The following IPO7 variants were observed in gnomAD, a reference collection of about 807,000 sequenced individuals.
IPO7 encodes the protein importin 7.
In IPO7, 13 loss-of-function variants were observed where a neutral mutation model predicts 136.4. The observed-to-expected ratio is 0.10, with a 90% CI of 0.06 to 0.15. IPO7 has a LOEUF of 0.15. Among genes scored for constraint, IPO7 ranks in the 10% least tolerant of loss-of-function variants. IPO7 has a pLI of 1.00. For synonymous variants in IPO7, 403 were observed against 404.4 expected (o/e 1.00, Z 0.04); for missense variants, 857 against 1,240.6 (o/e 0.69, Z 4.65).
At chr11:9,395,328 C>A (rs1007438386) in intron 1 of IPO7, among the ~76,000 whole-genome samples, 3 of 152,064 alleles carry the variant, frequency 2.0e-5, no homozygotes, top group African/African-American at 4.8e-5. Flanking sequence ...ACTGCAGCCT[C>A]CACCTCCCAG....
chr11:9,422,171 C>T (rs12362894), intron 8 of IPO7, among the ~76,000 whole-genome samples: 15,782 of 151,250 alleles, frequency 0.1, 1,120 homozygotes, highest in Non-Finnish European at 0.15. Context: ...CCCAGCTACT[C>T]GGGAGGCTGA....
intron 8 of IPO7, among the ~76,000 whole-genome samples, chr11:9,421,760 C>T (rs1322481700): frequency 3.3e-5 from 5 of 150,636 alleles, no homozygotes; most frequent in Admixed American, 1.3e-4. Flanking sequence ...CTGGCTAACA[C>T]AGTGAAACCC....
intron 6 of IPO7, among the ~76,000 whole-genome samples, chr11:9,418,764 T>C (rs1008972508): frequency 5.9e-5 from 9 of 152,222 alleles, no homozygotes; most frequent in African/African-American, 1.9e-4. Context: ...AATTATTATG[T>C]ACCCATGTAG....
chr11:9,430,751 C>T (rs979689300), intron 15 of IPO7, 124 bp from the exon 16 acceptor site: 4 of 728,546 alleles, frequency 5.5e-6, no homozygotes, highest in African/African-American at 5.3e-5. Context: ...TATCATTAAT[C>T]AATTTGGAGA....
At position 9,447,553 on chromosome 11, in the gene IPO7, G is replaced by A. The variant is rs1420931281; in HGVS notation, c.*2359G>A. ...AGGATTTTTGGAAAACTTTTTGAAT[G>A]TATTTACAATATTCTCTTGTAATTA... On this transcript the variant is annotated 3_prime_UTR_variant, in exon 25 of 25. Coordinates refer to ENST00000379719, the MANE Select transcript of IPO7 (RefSeq NM_006391.3). 6.6e-6 allele frequency: 1 copy of A among 152,060 alleles called. No homozygotes were observed. Among genetic ancestry groups the A allele is most frequent in the Non-Finnish European group, 1.5e-5 (1 of 68,004 alleles). 9.4% of individuals were successfully genotyped at this position (152,060 alleles called of 1,614,324 possible).
At chr11:9,386,379 G>C (rs1422049949) in intron 1 of IPO7, among the ~76,000 whole-genome samples, 1 of 152,124 alleles carries the variant, frequency 6.6e-6, no homozygotes, top group East Asian at 1.9e-4. Context: ...TATGGAAGGA[G>C]CAATGGATCA....
At chr11:9,435,907 C>CTT (rs1292597578) in intron 19 of IPO7, among the ~76,000 whole-genome samples, 2 of 152,094 alleles carry the variant, frequency 1.3e-5, no homozygotes, top group Non-Finnish European at 2.9e-5. Flanking sequence ...AACATCTTAG[C>CTT]TTTTTGTAGT....
At chr11:9,395,158 A>G (rs571012274) in intron 1 of IPO7, among the ~76,000 whole-genome samples, 4 of 152,352 alleles carry the variant, frequency 2.6e-5, no homozygotes, top group African/African-American at 9.6e-5. Context: ...GTTGACAATA[A>G]TACCATAATT....
intron 1 of IPO7, among the ~76,000 whole-genome samples, chr11:9,400,454 C>T (rs1039966589): frequency 2.0e-5 from 3 of 151,872 alleles, no homozygotes; most frequent in East Asian, 1.9e-4. Context: ...GACCTAATCT[C>T]GCTGTCGCCC....
chr11:9,433,004 T>TTTTTTTTTTTTTTTTTTTTTTTTTTG (rs1283722932), intron 16 of IPO7: 1 of 150,740 alleles, frequency 6.6e-6, no homozygotes, highest in African/African-American at 2.4e-5. Context: ...TTTTTTTTTT[T>TTTTTTTTTTTTTTTTTTTTTTTTTTG]TGAGATGGAG....
intron 19 of IPO7, 94 bp from the exon 20 acceptor site, chr11:9,436,175 CAG>C (rs35718097): frequency 0.39 from 290,466 of 752,440 alleles, 59,341 homozygotes; most frequent in Middle Eastern, 0.5. Flanking sequence ...AAGTAATACT[CAG>C]AGCCTGTACA....
At chr11:9,435,137 G>A (rs1855352246) in intron 19 of IPO7, 106 bp downstream of exon 19, 1 of 711,100 alleles carries the variant, frequency 1.4e-6, no homozygotes. Context: ...ATGTAAACAT[G>A]GATCTGACAG....
In IPO7 at chr11:9,384,758, G is replaced by C. The variant is rs760056986; in HGVS notation, c.-6G>C. 9 of 1,597,244 alleles carry C rather than the reference G, an allele frequency of 5.6e-6. No homozygotes were observed. The highest frequency in any genetic ancestry group is 7.7e-6 in the Non-Finnish European group (9 of 1,171,934). On this transcript the variant is annotated 5_prime_UTR_variant, in exon 1 of 25. Coordinates refer to ENST00000379719, the MANE Select transcript of IPO7 (RefSeq NM_006391.3). ...GAGCCCCGGGTTTGACCGAGTCCGC[G>C]CTGCGATGGACCCCAACACCATTAT... is the stretch of plus-strand genomic sequence containing the variant.
At chr11:9,442,978 G>T (rs902071792) in intron 24 of IPO7, among the ~76,000 whole-genome samples, 1 of 151,782 alleles carries the variant, frequency 6.6e-6, no homozygotes, top group East Asian at 2.0e-4. Flanking sequence ...AGTTGAGATT[G>T]CACTACTGTT....
At position 9,422,945 on chromosome 11, in the gene IPO7, C is replaced by T. The variant is rs564816141; in HGVS notation, c.907-61C>T. 2.1e-4 allele frequency: 222 copies of T among 1,074,824 alleles called. No homozygotes were observed. The African/African-American group carries it at 3.0e-3, about 15-fold the overall frequency. 66.6% of individuals were successfully genotyped at this position (1,074,824 alleles called of 1,614,324 possible). A position where few individuals can be genotyped will look rare whatever the true frequency, so the allele number is the denominator to read the frequency against. On this transcript the variant is annotated intron_variant, in intron 8 of 24. Coordinates refer to ENST00000379719, the MANE Select transcript of IPO7 (RefSeq NM_006391.3). The stretch of plus-strand genomic sequence containing the variant: ...AATATGTGTTAACTGTTTTTACTGG[C>T]TTGTAAGTGGTTGAAATTTCTATTT...
intron 1 of IPO7, among the ~76,000 whole-genome samples, chr11:9,395,635 G>A (rs1197882273): frequency 6.8e-6 from 1 of 147,796 alleles, no homozygotes; most frequent in Non-Finnish European, 1.5e-5. Context: ...GGATGTCCCT[G>A]GTTGAGATTG....
Position 9,405,424 on chromosome 11 carries a change from C to T in IPO7, c.166+2053C>T, listed in dbSNP as rs140290874. 6.6e-3 allele frequency among the ~76,000 whole-genome samples: 1,000 copies of T among 152,302 alleles called. 13 individuals are homozygous for T. The highest frequency in any genetic ancestry group is 0.023 in the African/African-American group (945 of 41,566). ...CTCCTGACCTCGTGATCTGCCCTGC[C>T]TCTGCCTCCCAAAGTGCTGGGATTA... is the stretch of plus-strand genomic sequence containing the variant. On this transcript the variant is annotated intron_variant, in intron 2 of 24. Transcript: ENST00000379719.
intron 1 of IPO7, among the ~76,000 whole-genome samples, chr11:9,388,620 G>T (rs11042325): frequency 6.6e-6 from 1 of 151,760 alleles, no homozygotes; most frequent in Non-Finnish European, 1.5e-5. Flanking sequence ...CTGAGACTAC[G>T]GGGATGTGCC....
At chr11:9,409,157 GGAGT>G (rs1854933451) in intron 3 of IPO7, among the ~76,000 whole-genome samples, 1 of 151,394 alleles carries the variant, frequency 6.6e-6, no homozygotes, top group African/African-American at 2.4e-5. Flanking sequence ...CACCCAGGCT[GGAGT>G]GAGGTGGCGC....
Sources: gnomAD v4.1 joint callset for allele counts (sites outside exome capture counted in the v4.1 genomes callset) on GRCh38, gnomAD v4.1.1 for gene constraint, MANE v1.5 for transcripts, NCBI Gene and HGNC (gene_info 2026-07-23, HGNC 2026-07-21) for gene names.